PAFAH1B1: variants seen among roughly 807,000 people sequenced by gnomAD.
PAFAH1B1 encodes platelet-activating factor acetylhydrolase IB subunit beta.
Under a neutral mutation model 57.5 loss-of-function variants are expected in PAFAH1B1, and 2 were observed. The observed-to-expected ratio is 0.03, with a 90% confidence interval of 0.01 to 0.11. The LOEUF (loss-of-function observed/expected upper bound fraction) is 0.11. Among genes scored for constraint, PAFAH1B1 ranks in the 10% least tolerant of loss-of-function variants. PAFAH1B1 has a pLI of 1.00. For missense variants in PAFAH1B1, 257 were observed against 512.0 expected, an observed-to-expected ratio of 0.50 and a Z score of 4.81; for synonymous variants, 152 against 169.6, an observed-to-expected ratio of 0.90 and a Z score of 0.81.
chr17:2,651,545 A>G (rs1394293295), intron 2 of PAFAH1B1, among the ~76,000 whole-genome samples: 1 of 151,220 alleles, frequency 6.6e-6, no homozygotes, highest in Non-Finnish European at 1.5e-5. Flanking sequence ...AGCTTGCACC[A>G]CTGCACTCCA....
intron 1 of PAFAH1B1, among the ~76,000 whole-genome samples, chr17:2,630,381 T>C (rs2068540711): frequency 6.6e-6 from 1 of 152,190 alleles, no homozygotes; most frequent in South Asian, 2.1e-4. Flanking sequence ...TTGGTTTCAC[T>C]GGATATAAAA....
At chr17:2,673,952 C>T in intron 7 of PAFAH1B1, 108 bp from the exon 8 acceptor site, 2 of 770,298 alleles carry the variant, frequency 2.6e-6, no homozygotes, top group South Asian at 3.0e-5. Flanking sequence ...CGACTTGCAT[C>T]TCTAACTTGG....
intron 1 of PAFAH1B1, among the ~76,000 whole-genome samples, chr17:2,611,707 C>T (rs553958661): frequency 6.6e-6 from 1 of 152,058 alleles, no homozygotes; most frequent in Non-Finnish European, 1.5e-5. Flanking sequence ...TTTACTCTCT[C>T]AGAACACAGT....
chr17:2,681,956 A>G lies in PAFAH1B1; in HGVS notation c.*154A>G. The G allele has an allele frequency of 3.2e-6, 2 of 622,032 alleles. No homozygotes were observed. The highest frequency in any genetic ancestry group is 5.6e-6 in the Non-Finnish European group (2 of 354,128). 38.5% of individuals were successfully genotyped at this position (622,032 alleles called of 1,614,324 possible). On this transcript the variant is annotated 3_prime_UTR_variant, in exon 11 of 11. Transcript: ENST00000397195. ...GCTTATTAAATGTTACACACAAAGT[A>G]TTCATGCATGGTGAATCCAAATTGT... is the stretch of plus-strand genomic sequence containing the variant.
chr17:2,633,878 G>A (rs952102120), intron 1 of PAFAH1B1, among the ~76,000 whole-genome samples: 3 of 151,454 alleles, frequency 2.0e-5, no homozygotes, highest in Non-Finnish European at 4.4e-5. Flanking sequence ...TTTTAATATA[G>A]GTGTTGCTCT....
intron 1 of PAFAH1B1, among the ~76,000 whole-genome samples, chr17:2,622,620 C>T (rs965483795): frequency 5.3e-5 from 8 of 152,188 alleles, no homozygotes; most frequent in Admixed American, 2.0e-4. Context: ...CTGCTTTCAC[C>T]GGCTGGCCTT....
chr17:2,671,738 C>G (rs968053129), intron 6 of PAFAH1B1, among the ~76,000 whole-genome samples: 1 of 151,186 alleles, frequency 6.6e-6, no homozygotes, highest in Non-Finnish European at 1.5e-5. Flanking sequence ...AAGTAGCTGG[C>G]AATACAGGCA....
At chr17:2,673,259 A>G (rs977747768) in intron 7 of PAFAH1B1, among the ~76,000 whole-genome samples, 1 of 152,182 alleles carries the variant, frequency 6.6e-6, no homozygotes, top group Non-Finnish European at 1.5e-5. Flanking sequence ...GAGAGACTCT[A>G]TGTCCTTGAG....
intron 1 of PAFAH1B1, chr17:2,613,360 G>A (rs955312641): frequency 4.4e-6 from 1 of 228,628 alleles, no homozygotes; most frequent in East Asian, 9.6e-5. Flanking sequence ...AAGCTCAGCC[G>A]GCAGGGCCGT....
At chr17:2,615,516 C>G (rs2068327804) in intron 1 of PAFAH1B1, among the ~76,000 whole-genome samples, 3 of 151,944 alleles carry the variant, frequency 2.0e-5, no homozygotes, top group African/African-American at 4.8e-5. Context: ...TCTTGGCTCA[C>G]TGCAACCTCT....
At chr17:2,669,324 G>A (rs1040611943) in intron 5 of PAFAH1B1, among the ~76,000 whole-genome samples, 3 of 150,892 alleles carry the variant, frequency 2.0e-5, no homozygotes, top group Non-Finnish European at 4.4e-5. Flanking sequence ...GAGTGCAGTG[G>A]TATGATCTTG....
intron 5 of PAFAH1B1, chr17:2,667,472 A>G (rs1457713510): frequency 5.4e-6 from 2 of 373,570 alleles, no homozygotes; most frequent in Admixed American, 4.0e-5. Flanking sequence ...ATAAAATATC[A>G]TTGTGGCTCC....
chr17:2,620,753 T>G (rs1420758131), intron 1 of PAFAH1B1, among the ~76,000 whole-genome samples: 2 of 151,990 alleles, frequency 1.3e-5, no homozygotes, highest in Non-Finnish European at 2.9e-5. Context: ...TCCTAGCTAC[T>G]CGGGAGGCTG....
At chr17:2,650,447 G>A (rs1259362023) in intron 2 of PAFAH1B1, among the ~76,000 whole-genome samples, 1 of 151,774 alleles carries the variant, frequency 6.6e-6, no homozygotes, top group Non-Finnish European at 1.5e-5. Flanking sequence ...GGGAGCTGGA[G>A]GTTGCAGTGA....
At chr17:2,667,568 G>A (rs2069123478) in intron 5 of PAFAH1B1, 2 of 256,586 alleles carry the variant, frequency 7.8e-6, no homozygotes, top group Admixed American at 1.0e-4. Context: ...ACATCACCTT[G>A]TGCTTGAACA....
At chr17:2,617,529 C>G (rs1328439009) in intron 1 of PAFAH1B1, among the ~76,000 whole-genome samples, 1 of 152,136 alleles carries the variant, frequency 6.6e-6, no homozygotes, top group Non-Finnish European at 1.5e-5. Context: ...AACCTGATCT[C>G]TTTTTTTGTT....
chr17:2,625,686 G>A (rs899308953), intron 1 of PAFAH1B1, among the ~76,000 whole-genome samples: 5 of 152,198 alleles, frequency 3.3e-5, no homozygotes, highest in Admixed American at 3.3e-4. Context: ...AGCACTTTGG[G>A]TGGCCGAGGT....
chr17:2,604,693 C>T (rs945914772), intron 1 of PAFAH1B1, among the ~76,000 whole-genome samples: 1 of 152,020 alleles, frequency 6.6e-6, no homozygotes, highest in Non-Finnish European at 1.5e-5. Flanking sequence ...TGCCTGTAAT[C>T]CCAGCTACTC....
intron 5 of PAFAH1B1, among the ~76,000 whole-genome samples, chr17:2,668,321 CA>C (rs1156493631): frequency 4.0e-5 from 6 of 151,172 alleles, no homozygotes; most frequent in Non-Finnish European, 7.4e-5. Context: ...GAGACTGTCT[CA>C]AAAAGGTAGT....
Sources: gnomAD v4.1 joint callset for allele counts (sites outside exome capture counted in the v4.1 genomes callset) on GRCh38, gnomAD v4.1.1 for gene constraint, MANE v1.5 for transcripts, NCBI Gene and HGNC (gene_info 2026-07-23, HGNC 2026-07-21) for gene names.